Variants in SORT1 observed in about 807,000 individuals in gnomAD.
SORT1 encodes the protein sortilin.
Under a neutral mutation model 101.7 loss-of-function variants are expected in SORT1, and 39 were observed. The ratio of observed to expected loss-of-function variants is 0.38; its 90% CI spans 0.30 to 0.50. SORT1 has a LOEUF of 0.50. Among genes scored for constraint, SORT1 ranks in the 20% least tolerant of loss-of-function variants. The pLI is 0.90. For missense variants in SORT1, 878 were observed against 1,040.4 expected (o/e 0.84, Z 2.15); for synonymous variants, 396 against 393.7 (o/e 1.01, Z -0.07).
chr1:109,341,506 C>G (rs1043529512), intron 9 of SORT1, among the ~76,000 whole-genome samples: 1 of 152,020 alleles, frequency 6.6e-6, no homozygotes, highest in Non-Finnish European at 1.5e-5. Flanking sequence ...GCCACCACGG[C>G]CAGCTAATTT....
intron 1 of SORT1, among the ~76,000 whole-genome samples, chr1:109,388,072 T>C (rs931488543): frequency 6.6e-6 from 1 of 152,210 alleles, no homozygotes; most frequent in Non-Finnish European, 1.5e-5. Context: ...TTTTTTCCTT[T>C]TAGATATGGG....
chr1:109,345,602 T>A lies in SORT1; in HGVS notation c.963+149A>T, dbSNP rs1649530609. The A allele has an allele frequency of 9.1e-6, 6 of 661,010 alleles. No individual in the cohort carries two copies. The South Asian group carries it at 1.6e-4, about 18-fold the overall frequency. The allele number at this position is 661,010 out of a possible 1,614,324, so 40.9% of individuals were successfully genotyped here. On this transcript the variant is annotated intron_variant, in intron 8 of 19. Coordinates refer to ENST00000256637, the MANE Select transcript of SORT1 (RefSeq NM_002959.7). ...AGAGTAGCCTATCAGTCAATCAGCCTTTGCAAAAAGAATCACCCCTAACAC... is the reference window on the plus strand; with the variant it reads ...AGAGTAGCCTATCAGTCAATCAGCCATTGCAAAAAGAATCACCCCTAACAC...
chr1:109,380,806 G>C (rs955461418), intron 1 of SORT1, among the ~76,000 whole-genome samples: 1 of 84,150 alleles, frequency 1.2e-5, no homozygotes, highest in East Asian at 4.1e-4. Context: ...GCAAAACCCT[G>C]TCGCCACAAA....
intron 1 of SORT1, among the ~76,000 whole-genome samples, chr1:109,382,532 GAA>G (rs149329827): frequency 8.8e-4 from 134 of 152,274 alleles, no homozygotes; most frequent in African/African-American, 3.1e-3. Context: ...TGAGGCACAG[GAA>G]CATAGGTGGT....
chr1:109,367,203 GGT>G, intron 3 of SORT1: 1 of 423,000 alleles, frequency 2.4e-6, no homozygotes, highest in East Asian at 3.8e-5. Flanking sequence ...CTCCAGCCTG[GGT>G]GACAAGAGTG....
chr1:109,369,936 A>C (rs1033494116), intron 1 of SORT1, among the ~76,000 whole-genome samples: 6 of 152,232 alleles, frequency 3.9e-5, no homozygotes, highest in Non-Finnish European at 7.3e-5. Flanking sequence ...TTAAAACAAA[A>C]GATCATAGCC....
chr1:109,378,738 ATATATATATATATATATATAT>A (rs1557822601), intron 1 of SORT1, among the ~76,000 whole-genome samples: 10 of 105,222 alleles, frequency 9.5e-5, no homozygotes, highest in African/African-American at 3.3e-4. Context: ...ATATATATAT[ATATATATATATATATATATAT>A]ATAAAGATGT....
intron 1 of SORT1, among the ~76,000 whole-genome samples, chr1:109,384,598 G>A (rs1389833773): frequency 6.6e-6 from 1 of 152,194 alleles, no homozygotes; most frequent in African/African-American, 2.4e-5. Context: ...TTAAAATACT[G>A]TGAGTCATTG....
chr1:109,379,727 T>G (rs917790085), intron 1 of SORT1, among the ~76,000 whole-genome samples: 1 of 152,066 alleles, frequency 6.6e-6, no homozygotes, highest in African/African-American at 2.4e-5. Flanking sequence ...TTGGAAAAAT[T>G]TATTAATCCC....
rs1228582546 is a variant in SORT1 at position 109,333,080 on chromosome 1, A to T, written c.1371+3160T>A. ...GTAGCTGGGACTACAGGTGCACATCACCATACCCAGCTAATTTTTGTATTT... is the reference window on the plus strand; with the variant it reads ...GTAGCTGGGACTACAGGTGCACATCTCCATACCCAGCTAATTTTTGTATTT... On this transcript the variant is annotated intron_variant, in intron 11 of 19. Transcript: ENST00000256637. Among the ~76,000 whole-genome samples, 5 of 152,012 alleles carry T rather than the reference A, an allele frequency of 3.3e-5. No individual in the cohort carries two copies. In the East Asian group the frequency reaches 5.8e-4, roughly 18 times the overall value.
chr1:109,379,621 G>T (rs998275664), intron 1 of SORT1, among the ~76,000 whole-genome samples: 2 of 152,214 alleles, frequency 1.3e-5, no homozygotes, highest in East Asian at 3.9e-4. Context: ...CCTACCCTAG[G>T]ATAGGAAGCA....
intron 9 of SORT1, among the ~76,000 whole-genome samples, chr1:109,341,631 G>A (rs1649232218): frequency 6.6e-6 from 1 of 152,152 alleles, no homozygotes; most frequent in Admixed American, 6.5e-5. Context: ...TTACAGGTGT[G>A]AGCCACTGCG....
intron 11 of SORT1, 139 bp from the exon 12 acceptor site, chr1:109,327,740 A>G (rs937664494): frequency 2.2e-5 from 11 of 499,942 alleles, no homozygotes; most frequent in Non-Finnish European, 3.5e-5. Flanking sequence ...TTTATTTACT[A>G]TTTAGGTGTA....
At chr1:109,378,603 A>AT (rs1652003006) in intron 1 of SORT1, among the ~76,000 whole-genome samples, 1 of 150,270 alleles carries the variant, frequency 6.7e-6, no homozygotes, top group African/African-American at 2.4e-5. Context: ...CTGACACAGT[A>AT]TTACCGAAGA....
chr1:109,355,645 G>GC (rs67471448), intron 3 of SORT1, among the ~76,000 whole-genome samples, 176 bp from the exon 4 acceptor site: 34,151 of 89,788 alleles, frequency 0.38, 7,055 homozygotes, highest in East Asian at 0.54. Flanking sequence ...CATTCCACCC[G>GC]CCCCCCCCCC....
chr1:109,382,120 T>G (rs1652285639), intron 1 of SORT1, among the ~76,000 whole-genome samples: 1 of 152,084 alleles, frequency 6.6e-6, no homozygotes, highest in Non-Finnish European at 1.5e-5. Context: ...AAAGTACACA[T>G]AGACCATATC....
Position 109,325,059 on chromosome 1 carries a change from T to C in SORT1, c.1674A>G (p.Gln558=). Residue 558 remains glutamine (Q), a synonymous_variant, in exon 14 of 20, where the codon CAA becomes CAG. Transcript: ENST00000256637. ...TGGGGTCCCTGGTGAACGTGTAGGT[T>C]TGCCAGCATTGACCTTCGTCTGTGG... ...KFSTDEGQCW[Q]TYTFTRDPIY... 6.2e-7 allele frequency: 1 copy of C among 1,612,940 alleles called. No individual in the cohort carries two copies. The highest frequency in any genetic ancestry group is 2.2e-5 in the East Asian group (1 of 44,838).
chr1:109,349,191 A>C (rs1649808000), intron 6 of SORT1, among the ~76,000 whole-genome samples: 1 of 152,084 alleles, frequency 6.6e-6, no homozygotes, highest in African/African-American at 2.4e-5. Context: ...CTAAAAATAC[A>C]AAAGTTAGCT....
intron 10 of SORT1, among the ~76,000 whole-genome samples, chr1:109,338,028 A>G (rs1272757361): frequency 6.6e-6 from 1 of 152,244 alleles, no homozygotes; most frequent in Admixed American, 6.5e-5. Context: ...GACATAGTAA[A>G]TAAGTAAATT....
Sources: gnomAD v4.1 joint callset for allele counts (sites outside exome capture counted in the v4.1 genomes callset) on GRCh38, gnomAD v4.1.1 for gene constraint, MANE v1.5 for transcripts, NCBI Gene and HGNC (gene_info 2026-07-23, HGNC 2026-07-21) for gene names.